The following PCDHGA8 variants were observed in gnomAD, a reference collection of about 807,000 sequenced individuals.
PCDHGA8 encodes protocadherin gamma-A8.
A neutral mutation model predicts 59.2 loss-of-function variants in PCDHGA8; 45 were observed. That is an observed-to-expected ratio of 0.76 (90% CI 0.60 to 0.98). The LOEUF (loss-of-function observed/expected upper bound fraction) is 0.98, where lower values mean the gene tolerates loss of function less well. Ranked by LOEUF, PCDHGA8 falls within the 50% of genes least tolerant of loss-of-function variation. The pLI is 0.00. For synonymous variants in PCDHGA8, 531 were observed against 519.0 expected, an observed-to-expected ratio of 1.02 and a Z score of -0.32; for missense variants, 1,257 against 1,196.2, an observed-to-expected ratio of 1.05 and a Z score of -0.75.
intron 1 of PCDHGA8, among the ~76,000 whole-genome samples, chr5:141,444,006 G>T (rs1279816416): frequency 2.0e-5 from 3 of 152,012 alleles, no homozygotes; most frequent in Non-Finnish European, 4.4e-5. Flanking sequence ...TGCTACCTGG[G>T]TATTGGCTTC....
At chr5:141,456,897 A>G (rs1351271896) in intron 1 of PCDHGA8, among the ~76,000 whole-genome samples, 2 of 152,178 alleles carry the variant, frequency 1.3e-5, no homozygotes, top group Admixed American at 1.3e-4. Context: ...CGGGAGGCAG[A>G]GGTTGCAGTG....
At chr5:141,492,705 C>T (rs2099743225) in intron 1 of PCDHGA8, among the ~76,000 whole-genome samples, 1 of 152,258 alleles carries the variant, frequency 6.6e-6, no homozygotes, top group South Asian at 2.1e-4. Flanking sequence ...ACCCAGAAGC[C>T]TCGAGCAGGC....
chr5:141,487,123 T>C lies in PCDHGA8; in HGVS notation c.2425-7684T>C. 6.2e-7 allele frequency: 1 copy of C among 1,614,086 alleles called. No homozygotes were observed. The highest frequency in any genetic ancestry group is 1.1e-5 in the South Asian group (1 of 91,082). On this transcript the variant is annotated intron_variant, in intron 1 of 3. Coordinates refer to ENST00000398604, the MANE Select transcript of PCDHGA8 (RefSeq NM_032088.2). The surrounding 1 kb of genome is among the most constrained non-coding windows in gnomAD (Gnocchi z 5.0). ...AGCTGGTCATTGTGGTAAAGGATAG[T>C]GGTAGTCCACCACTCTCTACCTCTG...
chr5:141,503,506 G>A (rs2099820313), intron 2 of PCDHGA8, among the ~76,000 whole-genome samples: 1 of 151,616 alleles, frequency 6.6e-6, no homozygotes, highest in African/African-American at 2.4e-5. Context: ...GGCTGAGGCA[G>A]GAGAATCACT....
intron 1 of PCDHGA8, among the ~76,000 whole-genome samples, chr5:141,448,700 G>A (rs2098601460): frequency 6.6e-6 from 1 of 152,106 alleles, no homozygotes; most frequent in African/African-American, 2.4e-5. Context: ...CAGCACTTTG[G>A]GAGGCCGAGG....
chr5:141,453,560 G>A (rs1230229107), intron 1 of PCDHGA8, among the ~76,000 whole-genome samples: 3 of 151,968 alleles, frequency 2.0e-5, no homozygotes, highest in Admixed American at 6.6e-5. Flanking sequence ...GTAGATAATC[G>A]ATTTCATTAG....
At chr5:141,417,821 A>C in intron 1 of PCDHGA8, 3 of 1,515,060 alleles carry the variant, frequency 2.0e-6, no homozygotes, top group Non-Finnish European at 1.8e-6. Context: ...ACTTTCTCCA[A>C]CTGGAAAAGC....
At chr5:141,457,107 A>G (rs2098908740) in intron 1 of PCDHGA8, among the ~76,000 whole-genome samples, 1 of 152,260 alleles carries the variant, frequency 6.6e-6, no homozygotes, top group African/African-American at 2.4e-5. Flanking sequence ...ATTAAGCAAA[A>G]TACGACAGCA....
chr5:141,420,505 T>C (rs923726040), intron 1 of PCDHGA8: 4 of 457,906 alleles, frequency 8.7e-6, no homozygotes, highest in Middle Eastern at 6.0e-4. Context: ...GGTGACATTT[T>C]TATGAAGTAA....
intron 1 of PCDHGA8, chr5:141,427,630 T>C (rs1043983899): frequency 2.8e-6 from 2 of 702,530 alleles, no homozygotes; most frequent in African/African-American, 1.7e-5. Context: ...AATGCTCCGG[T>C]TTTCCACCAA....
chr5:141,481,871 G>A (rs372191396), intron 1 of PCDHGA8, among the ~76,000 whole-genome samples: 73 of 144,864 alleles, frequency 5.0e-4, no homozygotes, highest in Non-Finnish European at 9.7e-4. Context: ...CCGAGATCGC[G>A]CCACTGCACT....
At chr5:141,465,657 G>T (rs904553709) in intron 1 of PCDHGA8, among the ~76,000 whole-genome samples, 2 of 152,130 alleles carry the variant, frequency 1.3e-5, no homozygotes, top group Non-Finnish European at 2.9e-5. Context: ...CCAAAAAAGC[G>T]CTTGCCATGA....
Position 141,409,074 on chromosome 5 carries a change from T to C in PCDHGA8, c.2424+13837T>C, listed in dbSNP as rs375843119. The C allele has an allele frequency of 4.3e-5, 69 of 1,613,884 alleles. No homozygotes were observed. Among genetic ancestry groups the C allele is most frequent in the South Asian group, 2.4e-4 (22 of 91,084 alleles). On this transcript the variant is annotated intron_variant, in intron 1 of 3. Coordinates refer to ENST00000398604, the MANE Select transcript of PCDHGA8 (RefSeq NM_032088.2). The stretch of plus-strand genomic sequence containing the variant: ...AGCACTGCCCAGAGCACAAAACATA[T>C]GTTCTCATTGGATGAGAAAACAGGT...
chr5:141,421,297 C>T (rs143092131), intron 1 of PCDHGA8: 106 of 1,613,512 alleles, frequency 6.6e-5, no homozygotes, highest in Non-Finnish European at 8.5e-5. Flanking sequence ...CCTGGGGACG[C>T]TGCGGGGGTT....
In PCDHGA8 at chr5:141,393,422, G is replaced by A; in HGVS notation, c.609G>A (p.Glu203=). 1 of 1,614,042 alleles carries A rather than the reference G, an allele frequency of 6.2e-7. No individual in the cohort carries two copies. The highest frequency in any genetic ancestry group is 8.5e-7 in the Non-Finnish European group (1 of 1,179,908). Residue 203 remains glutamate, a synonymous_variant, in exon 1 of 4, where the codon GAG becomes GAA. Coordinates refer to ENST00000398604, the MANE Select transcript of PCDHGA8 (RefSeq NM_032088.2). ...ELVLERALDR[E]EEAAHHLVLT... Reference sequence around the variant, plus strand: ...TGCTGGAGCGCGCCCTGGACAGGGAGGAAGAGGCTGCTCACCACCTGGTCC... The same window carrying A: ...TGCTGGAGCGCGCCCTGGACAGGGAAGAAGAGGCTGCTCACCACCTGGTCC...
intron 1 of PCDHGA8, among the ~76,000 whole-genome samples, chr5:141,443,514 C>T (rs1386662758): frequency 6.6e-6 from 1 of 152,056 alleles, no homozygotes; most frequent in Non-Finnish European, 1.5e-5. Flanking sequence ...AAGAGCTTCT[C>T]TCCTTATGAC....
chr5:141,397,200 G>A (rs2093487150), intron 1 of PCDHGA8, among the ~76,000 whole-genome samples: 1 of 152,154 alleles, frequency 6.6e-6, no homozygotes, highest in Non-Finnish European at 1.5e-5. Context: ...TAAAAGATAT[G>A]ACATAAGAGA....
chr5:141,435,558 T>C (rs1401876733), intron 1 of PCDHGA8, among the ~76,000 whole-genome samples: 1 of 152,136 alleles, frequency 6.6e-6, no homozygotes, highest in Non-Finnish European at 1.5e-5. Flanking sequence ...TTTTGAGTGC[T>C]TTTTTTAGTA....
rs774307056 is a variant in PCDHGA8 at position 141,393,872 on chromosome 5, T to G, written c.1059T>G (p.Phe353Leu). 1.2e-6 allele frequency: 2 copies of G among 1,613,898 alleles called. No homozygotes were observed. The highest frequency in any genetic ancestry group is 3.3e-5 in the Admixed American group (2 of 60,000). The change falls in exon 1 of 4, where the codon TTT (phenylalanine) becomes TTG (leucine). Residue 353 changes from phenylalanine to leucine, a missense_variant. Phe to Leu is a conservative substitution (Grantham distance 22). Transcript: ENST00000398604. ...NRPEVIITSLFSPVLENSLPG... is the reference protein window; with the variant it reads ...NRPEVIITSLLSPVLENSLPG... ...CAGAAGTGATCATTACGTCTTTGTT[T>G]AGCCCAGTGTTAGAAAATTCTCTTC... is the stretch of plus-strand genomic sequence containing the variant.
Sources: allele counts gnomAD v4.1 joint callset (sites outside exome capture counted in the v4.1 genomes callset), GRCh38; gene constraint gnomAD v4.1.1; non-coding constraint Gnocchi (gnomAD v3.1); transcripts MANE v1.5; gene names NCBI Gene and HGNC (gene_info 2026-07-23, HGNC 2026-07-21).